Variants in QKI observed in about 807,000 individuals in gnomAD.
QKI encodes KH domain-containing RNA-binding protein QKI.
A neutral mutation model predicts 39.0 loss-of-function variants in QKI; 10 were observed. The observed-to-expected ratio is 0.26, with a 90% CI of 0.16 to 0.43. The LOEUF is 0.43. Among genes scored for constraint, QKI ranks in the 20% least tolerant of loss-of-function variants. QKI has a pLI of 1.00. For synonymous variants in QKI, 204 were observed against 155.4 expected (o/e 1.31, Z -2.33); for missense variants, 218 against 428.0 (o/e 0.51, Z 4.33).
intron 5 of QKI, among the ~76,000 whole-genome samples, chr6:163,562,868 A>G (rs1783120051): frequency 1.3e-5 from 2 of 152,218 alleles, no homozygotes; most frequent in South Asian, 4.1e-4. Flanking sequence ...TGAGTATATC[A>G]TTAATAGGAA....
intron 6 of QKI, 105 bp from the exon 7 acceptor site, chr6:163,566,616 T>C: frequency 6.5e-7 from 1 of 1,545,286 alleles, no homozygotes; most frequent in Non-Finnish European, 8.7e-7. Flanking sequence ...TAAACTTTTG[T>C]AGTAAATGAA....
chr6:163,471,017 T>G (rs1039287079), intron 2 of QKI, among the ~76,000 whole-genome samples: 1 of 152,112 alleles, frequency 6.6e-6, no homozygotes, highest in African/African-American at 2.4e-5. Context: ...AGTCACAGAT[T>G]TGTGAAATTG....
chr6:163,553,667 G>A (rs1364607659), intron 4 of QKI, among the ~76,000 whole-genome samples: 1 of 152,054 alleles, frequency 6.6e-6, no homozygotes, highest in African/African-American at 2.4e-5. Flanking sequence ...TAAAATCACA[G>A]ATTGTATCGT....
chr6:163,465,210 GC>G (rs1791645316), intron 2 of QKI, among the ~76,000 whole-genome samples: 1 of 152,144 alleles, frequency 6.6e-6, no homozygotes, highest in African/African-American at 2.4e-5. Flanking sequence ...TGTGTGACAG[GC>G]CCACAGCTGA....
chr6:163,556,435 C>T (rs1014161619), intron 4 of QKI, among the ~76,000 whole-genome samples: 6 of 137,174 alleles, frequency 4.4e-5, no homozygotes, highest in Admixed American at 2.5e-4. Context: ...TCCCAGGAGG[C>T]GAAGTTGCAG....
intron 2 of QKI, among the ~76,000 whole-genome samples, chr6:163,466,127 C>CAA (rs36094925): frequency 2.4e-5 from 2 of 84,430 alleles, no homozygotes; most frequent in Non-Finnish European, 2.4e-5. Context: ...AACTCCATCT[C>CAA]AAAAAAAAAA....
At chr6:163,563,350 C>G in intron 5 of QKI, 70 bp from the exon 6 acceptor site, 1 of 1,343,950 alleles carries the variant, frequency 7.4e-7, no homozygotes, top group Non-Finnish European at 1.0e-6. Context: ...TTTTCCTACT[C>G]CCTTCTCATT....
chr6:163,518,160 G>GA (rs1277572014), intron 3 of QKI, among the ~76,000 whole-genome samples: 1 of 152,066 alleles, frequency 6.6e-6, no homozygotes, highest in African/African-American at 2.4e-5. Flanking sequence ...ATCTTAAATG[G>GA]AAAAAAGCTA....
chr6:163,564,780 C>G, intron 6 of QKI: 1 of 1,608,748 alleles, frequency 6.2e-7, no homozygotes. Context: ...CAAACTGTTT[C>G]TGTGCAACCC....
At chr6:163,505,680 T>G (rs1779049942) in intron 3 of QKI, among the ~76,000 whole-genome samples, 1 of 152,100 alleles carries the variant, frequency 6.6e-6, no homozygotes, top group Non-Finnish European at 1.5e-5. Context: ...CATTCTATCT[T>G]GGAAATAACT....
At chr6:163,444,809 T>C (rs1423682841) in intron 1 of QKI, among the ~76,000 whole-genome samples, 1 of 152,166 alleles carries the variant, frequency 6.6e-6, no homozygotes, top group Non-Finnish European at 1.5e-5. Flanking sequence ...TCCCTCAGTT[T>C]TCTTTATCTT....
At chr6:163,507,302 C>T (rs972808119) in intron 3 of QKI, among the ~76,000 whole-genome samples, 1 of 152,148 alleles carries the variant, frequency 6.6e-6, no homozygotes. Flanking sequence ...GTTTCTGTTT[C>T]CGGTAATGAA....
intron 2 of QKI, among the ~76,000 whole-genome samples, chr6:163,463,917 T>G (rs531408276): frequency 1.1e-4 from 17 of 152,172 alleles, no homozygotes; most frequent in Non-Finnish European, 1.9e-4. Flanking sequence ...GGCAGGTACT[T>G]TTAATTTTTC....
intron 3 of QKI, among the ~76,000 whole-genome samples, chr6:163,520,476 C>T (rs758124314): frequency 6.6e-6 from 1 of 151,584 alleles, no homozygotes. Context: ...AATTGTAATT[C>T]ATGAAGGAAG....
At chr6:163,533,661 A>G (rs1781016284) in intron 3 of QKI, among the ~76,000 whole-genome samples, 1 of 152,204 alleles carries the variant, frequency 6.6e-6, no homozygotes, top group African/African-American at 2.4e-5. Flanking sequence ...TGAAACAGTC[A>G]GATATTCTGA....
chr6:163,456,268 G>A (rs777535402), intron 2 of QKI, among the ~76,000 whole-genome samples: 1 of 151,914 alleles, frequency 6.6e-6, no homozygotes, highest in Non-Finnish European at 1.5e-5. Flanking sequence ...CTTTGCAATA[G>A]CACTTATAAT....
intron 4 of QKI, among the ~76,000 whole-genome samples, chr6:163,548,739 T>G (rs1320031941): frequency 6.6e-6 from 1 of 152,148 alleles, no homozygotes; most frequent in African/African-American, 2.4e-5. Context: ...TGGGCACTAC[T>G]GAAGAGTTTT....
At chr6:163,485,216 G>A (rs1252689785) in intron 3 of QKI, among the ~76,000 whole-genome samples, 2 of 152,328 alleles carry the variant, frequency 1.3e-5, no homozygotes, top group East Asian at 1.9e-4. Flanking sequence ...GGTGCATTCA[G>A]TATGGTATGG....
chr6:163,532,275 G>GAC (rs536922312), intron 3 of QKI, among the ~76,000 whole-genome samples: 40 of 152,188 alleles, frequency 2.6e-4, no homozygotes, highest in Non-Finnish European at 2.4e-4. Flanking sequence ...ATTAGTGTTT[G>GAC]ACACACACAC....
Sources: gnomAD v4.1 joint callset for allele counts (sites outside exome capture counted in the v4.1 genomes callset) on GRCh38, gnomAD v4.1.1 for gene constraint, MANE v1.5 for transcripts, NCBI Gene and HGNC (gene_info 2026-07-23, HGNC 2026-07-21) for gene names.